WDFY4: variants seen among roughly 807,000 people sequenced by gnomAD.
WDFY4 encodes WD repeat- and FYVE domain-containing protein 4.
A neutral mutation model predicts 351.9 loss-of-function variants in WDFY4; 169 were observed. The ratio of observed to expected loss-of-function variants is 0.48; its 90% CI spans 0.42 to 0.55. WDFY4 has a LOEUF of 0.55. Ranked by LOEUF, WDFY4 falls within the 20% of genes least tolerant of loss-of-function variation. WDFY4 has a pLI of 0.00. For missense variants in WDFY4, 3,803 were observed against 3,935.6 expected (o/e 0.97, Z 0.90); for synonymous variants, 1,622 against 1,574.6 (o/e 1.03, Z -0.71).
rs145785226 is a variant in WDFY4 at position 48,858,632 on chromosome 10, G to A, written c.6664-8633G>A. Among the ~76,000 whole-genome samples, 16 of 152,232 alleles carry A rather than the reference G, an allele frequency of 1.1e-4. 1 individual carries two copies. Among genetic ancestry groups the A allele is most frequent in the African/African-American group, 3.4e-4 (14 of 41,532 alleles). On this transcript the variant is annotated intron_variant, in intron 39 of 61. Coordinates refer to ENST00000325239, the MANE Select transcript of WDFY4 (RefSeq NM_001394531.1). The stretch of plus-strand genomic sequence containing the variant: ...ATGAGTATACTAAGTCTTGAAATCC[G>A]GTGGAATGATTCCTCTCATTTTACT...
rs944458742 is a variant in WDFY4, at chr10:48,873,681, G to A, written c.6932G>A (p.Ser2311Asn). The change falls in exon 41 of 62, where the codon AGC becomes AAC. Residue 2311 changes from serine to asparagine, a missense_variant. Physicochemically the swap from Ser to Asn is conservative, Grantham distance 46. Coordinates refer to ENST00000325239, the MANE Select transcript of WDFY4 (RefSeq NM_001394531.1). ...IKRLSPLEAL[S>N]SGRHKESQDK... ...CGCTTGTCTCCTTTGGAGGCCCTGA[G>A]CTCAGGAAGGCACAAGGTAGGAGTC... 1 of 1,551,816 alleles carries A rather than the reference G, an allele frequency of 6.4e-7. No individual in the cohort carries two copies. Among genetic ancestry groups the A allele is most frequent in the South Asian group, 1.2e-5 (1 of 84,066 alleles).
chr10:48,787,879 TTTCTTC>T (rs200606093), intron 20 of WDFY4, among the ~76,000 whole-genome samples: 2 of 104,496 alleles, frequency 1.9e-5, no homozygotes, highest in Non-Finnish European at 3.5e-5. Flanking sequence ...TTCTTCTTTC[TTTCTTC>T]TTCTTCTCCT....
intron 4 of WDFY4, among the ~76,000 whole-genome samples, chr10:48,722,816 T>C (rs2132286368): frequency 6.6e-6 from 1 of 152,360 alleles, no homozygotes; most frequent in South Asian, 2.1e-4. Context: ...CCTGGCAGGC[T>C]GGTCTCCATC....
chr10:48,887,188 C>T (rs953806163), intron 43 of WDFY4, among the ~76,000 whole-genome samples: 1 of 152,242 alleles, frequency 6.6e-6, no homozygotes, highest in Non-Finnish European at 1.5e-5. Context: ...GGTGCAGGCA[C>T]CATGGAGGCT....
At chr10:48,790,706 T>A in intron 22 of WDFY4, 21 bp from the exon 23 acceptor site, 2 of 1,547,944 alleles carry the variant, frequency 1.3e-6, no homozygotes, top group Non-Finnish European at 1.7e-6. Context: ...GTTGATGAAA[T>A]GCCCACTTTA....
intron 12 of WDFY4, among the ~76,000 whole-genome samples, chr10:48,760,112 T>C (rs2065456948): frequency 6.6e-6 from 1 of 152,202 alleles, no homozygotes; most frequent in South Asian, 2.1e-4. Context: ...GGTCAGGCAC[T>C]GTGCCTTGGA....
At chr10:48,798,460 G>A (rs926067203) in intron 24 of WDFY4, among the ~76,000 whole-genome samples, 2 of 152,168 alleles carry the variant, frequency 1.3e-5, no homozygotes, top group African/African-American at 4.8e-5. Flanking sequence ...GAATACCACA[G>A]AAGAATGAGC....
rs369558983 is a variant in WDFY4, at chr10:48,838,116, TGA to T, written c.6663+5411_6663+5412del. On this transcript the variant is annotated intron_variant, in intron 39 of 61. Coordinates refer to ENST00000325239, the MANE Select transcript of WDFY4 (RefSeq NM_001394531.1). ...CTGTGTAAGAATTAACAGAATGGGA[TGA>T]GAGGGCACCAGAAGCGTGAGGATGA... 1.8e-3 allele frequency among the ~76,000 whole-genome samples: 267 copies of T among 152,320 alleles called. 1 individual carries two copies. The highest frequency in any genetic ancestry group is 6.0e-3 in the African/African-American group (250 of 41,584).
chr10:48,824,995 T>C (rs1423705657), intron 35 of WDFY4, among the ~76,000 whole-genome samples: 1 of 152,298 alleles, frequency 6.6e-6, no homozygotes. Context: ...GTGCAGGATG[T>C]GCAGGTTTGT....
In WDFY4 at chr10:48,733,980, C is replaced by T. The variant is rs974464672; in HGVS notation, c.1632C>T (p.Thr544=). 1.4e-5 allele frequency: 21 copies of T among 1,551,742 alleles called. 1 individual carries two copies. In the Admixed American group the frequency reaches 3.9e-4, roughly 29 times the overall value. Residue 544 remains threonine, a synonymous_variant, in exon 10 of 62, where the codon ACC becomes ACT. Transcript: ENST00000325239. ...PGVQDPEREL[T]CVMLRIVVTL... ...TTCAGGATCCAGAAAGAGAACTCAC[C>T]TGTGTGATGCTGAGGATTGTAGTCA...
intron 60 of WDFY4, among the ~76,000 whole-genome samples, chr10:48,980,362 T>A (rs759702916): frequency 3.3e-5 from 5 of 152,206 alleles, no homozygotes; most frequent in Non-Finnish European, 5.9e-5. Flanking sequence ...TATTTGCATG[T>A]GTGTCCTCTT....
intron 39 of WDFY4, among the ~76,000 whole-genome samples, chr10:48,848,663 C>T (rs1390040508): frequency 6.6e-6 from 1 of 152,130 alleles, no homozygotes; most frequent in African/African-American, 2.4e-5. Flanking sequence ...TCACTGCCTC[C>T]ACTTGGGAAG....
chr10:48,870,391 C>A (rs1032531804), intron 40 of WDFY4, among the ~76,000 whole-genome samples: 1 of 152,086 alleles, frequency 6.6e-6, no homozygotes, highest in Non-Finnish European at 1.5e-5. Context: ...GTTAAAAAGA[C>A]ATTAGCCATG....
intron 20 of WDFY4, 120 bp from the exon 21 acceptor site, chr10:48,788,410 A>C: frequency 8.1e-7 from 1 of 1,227,534 alleles, no homozygotes; most frequent in Non-Finnish European, 1.1e-6. Context: ...GCAATGTGAC[A>C]ACATACAAAC....
chr10:48,960,239 TG>T (rs1342186862), intron 53 of WDFY4, among the ~76,000 whole-genome samples: 1 of 152,174 alleles, frequency 6.6e-6, no homozygotes, highest in Admixed American at 6.5e-5. Flanking sequence ...AAACTGGACA[TG>T]GGTAGAGACC....
At chr10:48,900,161 C>T in intron 45 of WDFY4, 60 bp from the exon 46 acceptor site, 2 of 1,466,168 alleles carry the variant, frequency 1.4e-6, no homozygotes, top group South Asian at 1.3e-5. Context: ...AGCTGTGTCA[C>T]CCTGGGGCGT....
intron 4 of WDFY4, among the ~76,000 whole-genome samples, chr10:48,722,343 C>T (rs1467749526): frequency 6.6e-6 from 1 of 152,150 alleles, no homozygotes; most frequent in East Asian, 1.9e-4. Flanking sequence ...ACACTTTAAC[C>T]TAAGGGCTTG....
At chr10:48,695,279 G>A (rs368260626) in intron 1 of WDFY4, among the ~76,000 whole-genome samples, 9 of 152,168 alleles carry the variant, frequency 5.9e-5, no homozygotes, top group Admixed American at 1.3e-4. Flanking sequence ...TGTGAGCTGC[G>A]GGCAGACAGC....
Position 48,863,949 on chromosome 10 carries a change from AACTC to A in WDFY4, c.6664-3308_6664-3305del, listed in dbSNP as rs547856660. 1.5e-3 allele frequency among the ~76,000 whole-genome samples: 231 copies of A among 152,228 alleles called. 1 individual carries two copies. Among genetic ancestry groups the A allele is most frequent in the African/African-American group, 5.2e-3 (215 of 41,534 alleles). ...CTTATAAACCATCAGATCTCGTTAG[AACTC>A]ACTCACTATCACAAGAACAGCATGG... On this transcript the variant is annotated intron_variant, in intron 39 of 61. Coordinates refer to ENST00000325239, the MANE Select transcript of WDFY4 (RefSeq NM_001394531.1).
Sources: allele counts gnomAD v4.1 joint callset (sites outside exome capture counted in the v4.1 genomes callset), GRCh38; gene constraint gnomAD v4.1.1; transcripts MANE v1.5; gene names NCBI Gene and HGNC (gene_info 2026-07-23, HGNC 2026-07-21).